The following DRC1 variants were observed in gnomAD, a reference collection of about 807,000 sequenced individuals.
The protein encoded by DRC1 is dynein regulatory complex protein 1.
DRC1 carries 74 observed loss-of-function variants against 98.7 expected under a neutral mutation model. The ratio of observed to expected loss-of-function variants is 0.75; its 90% confidence interval spans 0.62 to 0.91. The LOEUF (loss-of-function observed/expected upper bound fraction) is 0.91. Among genes scored for constraint, DRC1 ranks in the 40% least tolerant of loss-of-function variants. The pLI, the probability that DRC1 is intolerant of heterozygous loss-of-function variation, is 0.00. For synonymous variants in DRC1, 336 were observed against 334.1 expected, an observed-to-expected ratio of 1.01 and a Z score of -0.06; for missense variants, 875 against 886.0, an observed-to-expected ratio of 0.99 and a Z score of 0.16.
intron 4 of DRC1, among the ~76,000 whole-genome samples, chr2:26,426,668 G>A (rs185089959): frequency 3.9e-4 from 60 of 152,142 alleles, no homozygotes; most frequent in Non-Finnish European, 6.9e-4. Flanking sequence ...CGCCCAGCCT[G>A]TAGTATGTTT....
At chr2:26,424,544 G>GT in intron 4 of DRC1, 90 bp downstream of exon 4, 3 of 1,325,448 alleles carry the variant, frequency 2.3e-6, no homozygotes, top group Non-Finnish European at 3.1e-6. Context: ...ATGGAAAAAT[G>GT]TAGAAACCTT....
At chr2:26,413,112 T>C (rs560400327) in intron 1 of DRC1, among the ~76,000 whole-genome samples, 1 of 152,342 alleles carries the variant, frequency 6.6e-6, no homozygotes, top group African/African-American at 2.4e-5. Context: ...ATGTGTATTA[T>C]AGTCTACATA....
At chr2:26,431,806 T>C (rs1455533919) in intron 6 of DRC1, 78 bp from the exon 7 acceptor site, 20 of 1,582,802 alleles carry the variant, frequency 1.3e-5, no homozygotes, top group Non-Finnish European at 1.6e-5. Flanking sequence ...CCCTGTGTCA[T>C]GCTGGGCAGG....
At chr2:26,417,511 C>T (rs10183976) in intron 2 of DRC1, among the ~76,000 whole-genome samples, 8,045 of 151,920 alleles carry the variant, frequency 0.053, 658 homozygotes, top group African/African-American at 0.17. Flanking sequence ...GTATTCTTAC[C>T]GGAGACGGGA....
intron 3 of DRC1, 47 bp downstream of exon 3, chr2:26,421,447 C>T: frequency 6.5e-7 from 1 of 1,540,772 alleles, no homozygotes; most frequent in African/African-American, 1.4e-5. Context: ...AGGTAATCTC[C>T]ATGGGTCCGG....
chr2:26,428,175 T>C (rs1378687836), intron 4 of DRC1, among the ~76,000 whole-genome samples: 1 of 152,250 alleles, frequency 6.6e-6, no homozygotes, highest in East Asian at 1.9e-4. Context: ...TTTGATGTCT[T>C]TTCAAGGGAT....
chr2:26,445,222 G>A (rs1382355665), intron 10 of DRC1, among the ~76,000 whole-genome samples: 2 of 152,166 alleles, frequency 1.3e-5, no homozygotes, highest in Admixed American at 6.5e-5. Flanking sequence ...ATGTTAAATT[G>A]TCTCCCTTTT....
At chr2:26,444,665 C>G in intron 9 of DRC1, 51 bp from the exon 10 acceptor site, 1 of 1,550,584 alleles carries the variant, frequency 6.4e-7, no homozygotes, top group Non-Finnish European at 8.9e-7. Context: ...TGAGGGGACC[C>G]TGGCCAGGTC....
At chr2:26,414,547 A>G in intron 2 of DRC1, 116 bp downstream of exon 2, 1 of 886,286 alleles carries the variant, frequency 1.1e-6, no homozygotes, top group Admixed American at 2.6e-5. Context: ...TCTAGGCAGA[A>G]CTGAATAGAA....
chr2:26,442,131 A>C (rs1260708279), intron 8 of DRC1, among the ~76,000 whole-genome samples: 1 of 152,204 alleles, frequency 6.6e-6, no homozygotes, highest in Non-Finnish European at 1.5e-5. Context: ...GCGGGAGAGC[A>C]AGCTGGCCTA....
At chr2:26,449,736 C>T (rs1394703645) in intron 11 of DRC1, among the ~76,000 whole-genome samples, 1 of 152,184 alleles carries the variant, frequency 6.6e-6, no homozygotes, top group African/African-American at 2.4e-5. Context: ...GGTTGGTGCC[C>T]TTCTGGGTGG....
At chr2:26,450,517 T>G in intron 12 of DRC1, 75 bp from the exon 13 acceptor site, 2 of 1,362,248 alleles carry the variant, frequency 1.5e-6, no homozygotes, top group Non-Finnish European at 2.0e-6. Flanking sequence ...TCTTAGGAGC[T>G]GAGCATCTGT....
intron 4 of DRC1, among the ~76,000 whole-genome samples, chr2:26,427,500 C>T (rs954471217): frequency 6.6e-6 from 1 of 152,076 alleles, no homozygotes; most frequent in Admixed American, 6.5e-5. Flanking sequence ...TACAGCCATA[C>T]AATGTGTGAT....
intron 2 of DRC1, 123 bp from the exon 3 acceptor site, chr2:26,421,165 G>A: frequency 1.4e-6 from 1 of 714,612 alleles, no homozygotes; most frequent in East Asian, 3.0e-5. Context: ...AAAATCTTAA[G>A]GTAGTTGCTG....
intron 1 of DRC1, among the ~76,000 whole-genome samples, chr2:26,406,698 C>G (rs554838442): frequency 2.0e-5 from 3 of 151,180 alleles, no homozygotes; most frequent in Admixed American, 2.0e-4. Context: ...GATGACAGAA[C>G]GAGACTCCTT....
At chr2:26,407,991 C>G (rs1011970522) in intron 1 of DRC1, among the ~76,000 whole-genome samples, 1 of 152,210 alleles carries the variant, frequency 6.6e-6, no homozygotes, top group Non-Finnish European at 1.5e-5. Context: ...ACCTCCTCAC[C>G]TAGCAGAAAT....
chr2:26,436,168 G>T (rs1663566728), intron 7 of DRC1, among the ~76,000 whole-genome samples: 1 of 151,584 alleles, frequency 6.6e-6, no homozygotes, highest in South Asian at 2.1e-4. Context: ...ATTCTGACTG[G>T]TGTGAGATGG....
At chr2:26,452,573 G>A (rs2148006311) in intron 13 of DRC1, among the ~76,000 whole-genome samples, 1 of 152,260 alleles carries the variant, frequency 6.6e-6, no homozygotes, top group Non-Finnish European at 1.5e-5. Flanking sequence ...CAGTTGAAAT[G>A]GTGTATTTAT....
intron 4 of DRC1, among the ~76,000 whole-genome samples, chr2:26,429,144 C>T (rs1663361634): frequency 6.6e-6 from 1 of 151,950 alleles, no homozygotes; most frequent in East Asian, 1.9e-4. Context: ...TATCTCAGGC[C>T]TTCTAAGACT....
Sources: gnomAD v4.1 joint callset for allele counts (sites outside exome capture counted in the v4.1 genomes callset) on GRCh38, gnomAD v4.1.1 for gene constraint, MANE v1.5 for transcripts, NCBI Gene and HGNC (gene_info 2026-07-23, HGNC 2026-07-21) for gene names.